Variants in OR2T6 observed in about 807,000 individuals in gnomAD.
OR2T6 encodes olfactory receptor 2T6.
For synonymous variants in OR2T6, 174 were observed against 148.0 expected (o/e 1.18, Z -1.27); for missense variants, 424 against 391.6 (o/e 1.08, Z -0.70).
chr1:248,389,192 A>G lies in OR2T6; in HGVS notation c.*657A>G, dbSNP rs1037251982. The G allele has an allele frequency of 6.6e-6, 1 of 152,236 alleles. No individual in the cohort carries two copies. Among genetic ancestry groups the G allele is most frequent in the African/African-American group, 2.4e-5 (1 of 41,460 alleles). 9.4% of individuals were successfully genotyped at this position (152,236 alleles called of 1,614,324 possible). On this transcript the variant is annotated 3_prime_UTR_variant, in exon 3 of 3. Transcript: ENST00000641644. The stretch of plus-strand genomic sequence containing the variant: ...GAGTCTGTAATGTTAGTTTTTTAAT[A>G]TGGTAACTAACTGTTACATTGGAAG...
At chr1:248,385,665 G>A (rs1661124691) in intron 2 of OR2T6, among the ~76,000 whole-genome samples, 1 of 152,182 alleles carries the variant, frequency 6.6e-6, no homozygotes, top group African/African-American at 2.4e-5. Flanking sequence ...GTGTTCAACA[G>A]GTGACACATA....
rs767969707 is a variant in OR2T6 at position 248,388,161 on chromosome 1, C to T, written c.553C>T (p.Leu185=). Residue 185 remains leucine (L), a synonymous_variant, in exon 3 of 3, where the codon CTG becomes TTG. Coordinates refer to ENST00000641644, the MANE Select transcript of OR2T6 (RefSeq NM_001005471.2). ...CTTTTTCTGTGAGGCACCCACCATG[C>T]TGAGGCTGGCCTGTGGGGACAAAAC... ...NHFFCEAPTM[L]RLACGDKTTY... 5.6e-6 allele frequency: 9 copies of T among 1,613,932 alleles called. No homozygotes were observed. The highest frequency in any genetic ancestry group is 7.6e-6 in the Non-Finnish European group (9 of 1,179,994).
At chr1:248,387,151 C>G (rs530077155) in intron 2 of OR2T6, among the ~76,000 whole-genome samples, 1 of 152,310 alleles carries the variant, frequency 6.6e-6, no homozygotes, top group Admixed American at 6.5e-5. Context: ...ATGGTTATTT[C>G]TGGATGAGAC....
Position 248,387,684 on chromosome 1 carries a change from T to C in OR2T6, c.76T>C (p.Phe26Leu). Residue 26 changes from phenylalanine (F) to leucine (L), a missense_variant, in exon 3 of 3, where the codon TTC becomes CTC. Phe to Leu is a conservative substitution (Grantham distance 22, BLOSUM62 0). Coordinates refer to ENST00000641644, the MANE Select transcript of OR2T6 (RefSeq NM_001005471.2). ...GLFTHNKCSG[F>L]FFGVICAVFF... ...CTTCACTCACAATAAATGCTCAGGA[T>C]TCTTTTTCGGTGTCATTTGTGCCGT... 6.2e-7 allele frequency: 1 copy of C among 1,613,788 alleles called. No individual in the cohort carries two copies.
At chr1:248,384,011 C>G (rs1458655428) in intron 1 of OR2T6, among the ~76,000 whole-genome samples, 1 of 55,778 alleles carries the variant, frequency 1.8e-5, no homozygotes, top group Non-Finnish European at 3.3e-5. Context: ...ATGGAGAAAG[C>G]ACTGCACTAG....
rs773197375 is a variant in OR2T6 at position 248,382,532 on chromosome 1, C to CTTTTTTT, written c.-158-2176_-158-2175insTTTTTTT. 1.1e-3 allele frequency among the ~76,000 whole-genome samples: 133 copies of CTTTTTTT among 117,178 alleles called. 4 individuals carry two copies. Among genetic ancestry groups the CTTTTTTT allele is most frequent in the East Asian group, 4.8e-3 (20 of 4,180 alleles). The allele number at this position is 117,178 out of a possible 152,430, so 76.9% of individuals were successfully genotyped here. A position where few individuals can be genotyped will look rare whatever the true frequency, so the allele number is the denominator to read the frequency against. ...CAATACTCCATGTCTACCTTTCTTT[C>CTTTTTTT]TTTCTTTTTTTTTTTTTTTAGATGG... On this transcript the variant is annotated intron_variant, in intron 1 of 2. Coordinates refer to ENST00000641644, the MANE Select transcript of OR2T6 (RefSeq NM_001005471.2).
intron 1 of OR2T6, among the ~76,000 whole-genome samples, chr1:248,377,898 T>C (rs1246212385): frequency 6.6e-6 from 1 of 152,232 alleles, no homozygotes; most frequent in Non-Finnish European, 1.5e-5. Flanking sequence ...TGCACATATA[T>C]GTTTGTAAAC....
chr1:248,380,029 G>T (rs1661004982), intron 1 of OR2T6, among the ~76,000 whole-genome samples: 2 of 151,716 alleles, frequency 1.3e-5, no homozygotes, highest in Admixed American at 6.6e-5. Flanking sequence ...ATATGTGTGT[G>T]TATGCATTAT....
At position 248,388,688 on chromosome 1, in the gene OR2T6, CA is replaced by C. The variant is rs1661195832; in HGVS notation, c.*154del. 2 of 516,318 alleles carry C rather than the reference CA, an allele frequency of 3.9e-6. No homozygotes were observed. The highest frequency in any genetic ancestry group is 7.0e-5 in the Admixed American group (2 of 28,700). 32.0% of individuals were successfully genotyped at this position (516,318 alleles called of 1,614,324 possible). A position where few individuals can be genotyped will look rare whatever the true frequency, so the allele number is the denominator to read the frequency against. Reference sequence around the variant, plus strand: ...CTAAATGGTGTATCAACAGTACCCCCATCAAAAATGGGAAGTTGCTGTAACA... The same window carrying C: ...CTAAATGGTGTATCAACAGTACCCCCTCAAAAATGGGAAGTTGCTGTAACA... On this transcript the variant is annotated 3_prime_UTR_variant, in exon 3 of 3. Coordinates refer to ENST00000641644, the MANE Select transcript of OR2T6 (RefSeq NM_001005471.2).
chr1:248,390,308 A>G lies in OR2T6; in HGVS notation c.*1773A>G, dbSNP rs1661227209. On this transcript the variant is annotated 3_prime_UTR_variant, in exon 3 of 3. Coordinates refer to ENST00000641644, the MANE Select transcript of OR2T6 (RefSeq NM_001005471.2). ...TGGCCTAAACTGTAGACACAGTAGTAAAAACCAGGACCACATCCCAAACCC... is the reference window on the plus strand; with the variant it reads ...TGGCCTAAACTGTAGACACAGTAGTGAAAACCAGGACCACATCCCAAACCC... 6.6e-6 allele frequency: 1 copy of G among 152,254 alleles called. No individual in the cohort carries two copies. The highest frequency in any genetic ancestry group is 1.9e-4 in the East Asian group (1 of 5,200). The allele number at this position is 152,254 out of a possible 1,614,324, so 9.4% of individuals were successfully genotyped here.
intron 1 of OR2T6, among the ~76,000 whole-genome samples, chr1:248,378,475 A>G (rs1462295823): frequency 6.6e-6 from 1 of 152,200 alleles, no homozygotes; most frequent in African/African-American, 2.4e-5. Flanking sequence ...TTTTCTTCAT[A>G]TATATAAACT....
At chr1:248,378,648 A>T (rs1361315734) in intron 1 of OR2T6, among the ~76,000 whole-genome samples, 1 of 152,048 alleles carries the variant, frequency 6.6e-6, no homozygotes, top group Non-Finnish European at 1.5e-5. Context: ...CATCCTTTAC[A>T]TTTCACACTG....
At chr1:248,382,564 G>GTTTTTTTT (rs1661054429) in intron 1 of OR2T6, among the ~76,000 whole-genome samples, 1 of 125,220 alleles carries the variant, frequency 8.0e-6, no homozygotes, top group African/African-American at 3.0e-5. Context: ...ATGGAGACTT[G>GTTTTTTTT]CTTTGTTGCC....
chr1:248,388,539 A>G lies in OR2T6; in HGVS notation c.*4A>G. 6.4e-7 allele frequency: 1 copy of G among 1,551,600 alleles called. No homozygotes were observed. The highest frequency in any genetic ancestry group is 8.7e-7 in the Non-Finnish European group (1 of 1,150,754). On this transcript the variant is annotated 3_prime_UTR_variant, in exon 3 of 3. Coordinates refer to ENST00000641644, the MANE Select transcript of OR2T6 (RefSeq NM_001005471.2). ...GAGAGTTGTGGCAAGATGTTAGGGG[A>G]CATGTGGTGTGATGAGGAAAGAATT...
chr1:248,385,931 C>A (rs112578809), intron 2 of OR2T6, among the ~76,000 whole-genome samples: 3,005 of 152,276 alleles, frequency 0.02, 43 homozygotes, highest in Non-Finnish European at 0.03. Flanking sequence ...CCGTAAGTTT[C>A]CTGTGATATC....
rs1661209036 is a variant in OR2T6 at position 248,389,224 on chromosome 1, C to G, written c.*689C>G. ...CTAACTGTTACATTGGAAGACACAG[C>G]AAAAGGTAGTTGAGAAAGAAATGCC... On this transcript the variant is annotated 3_prime_UTR_variant, in exon 3 of 3. Transcript: ENST00000641644. 1 of 151,960 alleles carries G rather than the reference C, an allele frequency of 6.6e-6. No homozygotes were observed. The highest frequency in any genetic ancestry group is 3.4e-3 in the Middle Eastern group (1 of 294). The allele number at this position is 151,960 out of a possible 1,614,324, so 9.4% of individuals were successfully genotyped here.
At position 248,388,254 on chromosome 1, in the gene OR2T6, G is replaced by A. The variant is rs1210730204; in HGVS notation, c.646G>A (p.Ala216Thr). 1 of 1,613,818 alleles carries A rather than the reference G, an allele frequency of 6.2e-7. No individual in the cohort carries two copies. The highest frequency in any genetic ancestry group is 1.3e-5 in the African/African-American group (1 of 74,872). Reference protein sequence around the residue: ...MLLIPFSVVTASYTRILITVH... With the variant: ...MLLIPFSVVTTSYTRILITVH... ...GCTGATCCCCTTCTCGGTGGTGACT[G>A]CATCCTACACCAGGATTCTCATCAC... is the stretch of plus-strand genomic sequence containing the variant. Residue 216 changes from alanine (A) to threonine (T), a missense_variant, in exon 3 of 3, where the codon GCA (alanine) becomes ACA (threonine). Transcript: ENST00000641644.
chr1:248,386,688 T>TC (rs1195128817), intron 2 of OR2T6, among the ~76,000 whole-genome samples: 2 of 152,240 alleles, frequency 1.3e-5, no homozygotes, highest in Admixed American at 1.3e-4. Flanking sequence ...ACTGTCTTCA[T>TC]CACTTGCAAT....
rs1205407324 is a variant in OR2T6 at position 248,388,075 on chromosome 1, G to C, written c.467G>C (p.Ser156Thr). ...TCTTGGTTCGGTGGGGCTTTGGACA[G>C]TTTTCTCCTCACCCCCATTACCATG... ...ASSWFGGALD[S>T]FLLTPITMSL... The change falls in exon 3 of 3, where the codon AGT becomes ACT. Residue 156 changes from serine to threonine, a missense_variant. Transcript: ENST00000641644. 1.9e-6 allele frequency: 3 copies of C among 1,614,008 alleles called. No homozygotes were observed. Among genetic ancestry groups the C allele is most frequent in the East Asian group, 2.2e-5 (1 of 44,830 alleles).
Sources: allele counts gnomAD v4.1 joint callset (sites outside exome capture counted in the v4.1 genomes callset), GRCh38; gene constraint gnomAD v4.1.1; transcripts MANE v1.5; gene names NCBI Gene and HGNC (gene_info 2026-07-23, HGNC 2026-07-21).